The following BICC1 variants were observed in gnomAD, a reference collection of about 807,000 sequenced individuals.
The protein encoded by BICC1 is protein bicaudal C homolog 1.
Under a neutral mutation model 111.0 loss-of-function variants are expected in BICC1, and 43 were observed. The ratio of observed to expected loss-of-function variants is 0.39; its 90% confidence interval spans 0.30 to 0.50. The LOEUF (loss-of-function observed/expected upper bound fraction) is 0.50. Among genes scored for constraint, BICC1 ranks in the 20% least tolerant of loss-of-function variants. BICC1 has a pLI of 0.88. For missense variants in BICC1, 1,091 were observed against 1,203.2 expected, an observed-to-expected ratio of 0.91 and a Z score of 1.38; for synonymous variants, 467 against 434.4, an observed-to-expected ratio of 1.07 and a Z score of -0.93.
intron 1 of BICC1, among the ~76,000 whole-genome samples, chr10:58,558,716 TTATAAAC>T (rs1363187054): frequency 2.0e-5 from 3 of 152,094 alleles, no homozygotes; most frequent in African/African-American, 7.2e-5. Flanking sequence ...ATTGGGCAGT[TTATAAAC>T]AACAGAAAAT....
intron 14 of BICC1, among the ~76,000 whole-genome samples, chr10:58,801,942 G>A (rs1436982193): frequency 4.6e-5 from 7 of 152,098 alleles, no homozygotes; most frequent in Non-Finnish European, 7.4e-5. Flanking sequence ...AAATAGATAC[G>A]TATTCTTGTC....
At chr10:58,634,249 G>A (rs1837887128) in intron 2 of BICC1, among the ~76,000 whole-genome samples, 1 of 151,872 alleles carries the variant, frequency 6.6e-6, no homozygotes, top group Admixed American at 6.6e-5. Context: ...GCCTCGGCCT[G>A]CCAAAGTGCT....
At chr10:58,703,724 C>T (rs560636947) in intron 3 of BICC1, among the ~76,000 whole-genome samples, 1 of 152,250 alleles carries the variant, frequency 6.6e-6, no homozygotes, top group African/African-American at 2.4e-5. Flanking sequence ...AATTTCTGTC[C>T]TACTACTTGA....
At chr10:58,743,600 A>G (rs1379701738) in intron 3 of BICC1, among the ~76,000 whole-genome samples, 4 of 152,066 alleles carry the variant, frequency 2.6e-5, no homozygotes, top group East Asian at 3.9e-4. Flanking sequence ...ACATACACCA[A>G]ACATCTCAGT....
chr10:58,560,187 C>T (rs1380981899), intron 1 of BICC1, among the ~76,000 whole-genome samples: 1 of 151,850 alleles, frequency 6.6e-6, no homozygotes, highest in African/African-American at 2.4e-5. Context: ...GGAAAGTCAT[C>T]CATTCTTGAG....
intron 1 of BICC1, among the ~76,000 whole-genome samples, chr10:58,577,121 T>C (rs1260884222): frequency 6.6e-6 from 1 of 152,176 alleles, no homozygotes; most frequent in Non-Finnish European, 1.5e-5. Flanking sequence ...GGACCTGTGA[T>C]CCTCACAGTC....
chr10:58,818,847 T>C (rs1222619015), intron 19 of BICC1, among the ~76,000 whole-genome samples: 1 of 152,146 alleles, frequency 6.6e-6, no homozygotes, highest in Non-Finnish European at 1.5e-5. Context: ...TTTTAATGTG[T>C]CCAGGCACAG....
intron 2 of BICC1, among the ~76,000 whole-genome samples, chr10:58,674,603 C>G (rs1172442573): frequency 6.6e-6 from 1 of 152,120 alleles, no homozygotes; most frequent in Non-Finnish European, 1.5e-5. Flanking sequence ...TACCTGAGGG[C>G]CGCTTGAAGG....
chr10:58,726,515 T>G (rs899813544), intron 3 of BICC1, among the ~76,000 whole-genome samples: 2 of 152,208 alleles, frequency 1.3e-5, no homozygotes, highest in African/African-American at 4.8e-5. Flanking sequence ...GCTTAGAGCT[T>G]CTAGAATAGG....
intron 3 of BICC1, among the ~76,000 whole-genome samples, chr10:58,755,175 C>T (rs1033647351): frequency 2.6e-5 from 4 of 151,856 alleles, no homozygotes; most frequent in African/African-American, 4.8e-5. Flanking sequence ...TCATTTAAAT[C>T]AAGTATAAAT....
At chr10:58,694,262 T>G (rs1274962058) in intron 2 of BICC1, among the ~76,000 whole-genome samples, 1 of 152,118 alleles carries the variant, frequency 6.6e-6, no homozygotes, top group Non-Finnish European at 1.5e-5. Context: ...TGCCACGTGG[T>G]TTTATGACTG....
intron 1 of BICC1, among the ~76,000 whole-genome samples, chr10:58,614,328 C>A (rs543590268): frequency 5.9e-5 from 9 of 152,232 alleles, no homozygotes; most frequent in African/African-American, 2.2e-4. Flanking sequence ...ACCGTTTGCA[C>A]CTGAGACCAT....
intron 1 of BICC1, among the ~76,000 whole-genome samples, chr10:58,609,771 C>T (rs747836947): frequency 6.6e-6 from 1 of 152,292 alleles, no homozygotes; most frequent in Non-Finnish European, 1.5e-5. Context: ...GGAAGATCAG[C>T]ATAAGCTCAC....
At chr10:58,572,118 C>A (rs1649036) in intron 1 of BICC1, among the ~76,000 whole-genome samples, 69,910 of 151,872 alleles carry the variant, frequency 0.46, 17,098 homozygotes, top group Admixed American at 0.62. Context: ...TGTTTGTTGG[C>A]CGCATGTATG....
intron 1 of BICC1, among the ~76,000 whole-genome samples, chr10:58,538,712 A>G (rs1325952244): frequency 6.6e-6 from 1 of 151,292 alleles, no homozygotes. Flanking sequence ...ATCTGACAAC[A>G]TACACGGAAC....
rs752405472 is a variant in BICC1 at position 58,601,173 on chromosome 10, T to TATATATATAA, written c.191-19682_191-19681insATATATATAA. ...ATATATATATATATATATATATATC[T>TATATATATAA]CCCAATAAAATTTGGAAAATAAAAA... On this transcript the variant is annotated intron_variant, in intron 1 of 20. Coordinates refer to ENST00000373886, the MANE Select transcript of BICC1 (RefSeq NM_001080512.3). 4.3e-3 allele frequency among the ~76,000 whole-genome samples: 562 copies of TATATATATAA among 131,042 alleles called. 7 individuals are homozygous for TATATATATAA. Among genetic ancestry groups the TATATATATAA allele is most frequent in the African/African-American group, 8.9e-3 (319 of 35,760 alleles). 86.0% of individuals were successfully genotyped at this position (131,042 alleles called of 152,430 possible).
At chr10:58,705,702 C>T (rs1020217257) in intron 3 of BICC1, among the ~76,000 whole-genome samples, 6 of 152,118 alleles carry the variant, frequency 3.9e-5, no homozygotes, top group Admixed American at 3.9e-4. Flanking sequence ...ATTATTTAAA[C>T]TTTTTTTAAT....
intron 1 of BICC1, among the ~76,000 whole-genome samples, chr10:58,567,580 TA>T (rs1320812668): frequency 6.6e-6 from 1 of 151,648 alleles, no homozygotes; most frequent in East Asian, 1.9e-4. Context: ...AAATTATATA[TA>T]AAATATATAA....
intron 3 of BICC1, among the ~76,000 whole-genome samples, chr10:58,767,681 AAAAT>A (rs1363408444): frequency 6.6e-6 from 1 of 152,182 alleles, no homozygotes; most frequent in Non-Finnish European, 1.5e-5. Flanking sequence ...AAATCTAAAT[AAAAT>A]AAAATCAGTG....
Sources: allele counts gnomAD v4.1 joint callset (sites outside exome capture counted in the v4.1 genomes callset), GRCh38; gene constraint gnomAD v4.1.1; transcripts MANE v1.5; gene names NCBI Gene and HGNC (gene_info 2026-07-23, HGNC 2026-07-21).